PPP1R12B: variants seen among roughly 807,000 people sequenced by gnomAD.
PPP1R12B encodes myosin phosphatase target subunit 2.
PPP1R12B carries 76 observed loss-of-function variants against 126.1 expected under a neutral mutation model. The ratio of observed to expected loss-of-function variants is 0.60; its 90% confidence interval spans 0.50 to 0.73. The LOEUF is 0.73. Ranked by LOEUF, PPP1R12B falls within the 30% of genes least tolerant of loss-of-function variation. The probability of loss-of-function intolerance (pLI) is 0.00; values close to 1 mark genes in which losing one functional copy is unlikely to be tolerated. For missense variants in PPP1R12B, 1,052 were observed against 1,205.1 expected, an observed-to-expected ratio of 0.87 and a Z score of 1.88; for synonymous variants, 356 against 434.7, an observed-to-expected ratio of 0.82 and a Z score of 2.25.
At chr1:202,460,466 T>C (rs1674172570) in intron 13 of PPP1R12B, among the ~76,000 whole-genome samples, 1 of 152,170 alleles carries the variant, frequency 6.6e-6, no homozygotes, top group Non-Finnish European at 1.5e-5. Flanking sequence ...TGAGTTATGG[T>C]TTTTAAAAGT....
At chr1:202,546,561 A>G (rs1430165571) in intron 18 of PPP1R12B, among the ~76,000 whole-genome samples, 2 of 151,978 alleles carry the variant, frequency 1.3e-5, no homozygotes, top group Non-Finnish European at 2.9e-5. Flanking sequence ...CCATGATTGC[A>G]CCACTGCACT....
At chr1:202,414,468 A>T (rs1249296597) in intron 1 of PPP1R12B, among the ~76,000 whole-genome samples, 1 of 152,232 alleles carries the variant, frequency 6.6e-6, no homozygotes, top group Admixed American at 6.5e-5. Context: ...ATCTAAATAC[A>T]TTTCATTATA....
intron 13 of PPP1R12B, among the ~76,000 whole-genome samples, chr1:202,471,153 C>T (rs1308462005): frequency 3.3e-5 from 5 of 152,134 alleles, no homozygotes; most frequent in Admixed American, 2.0e-4. Flanking sequence ...CATTTGCATA[C>T]TTATATAATT....
At chr1:202,405,887 A>G (rs896722472) in intron 1 of PPP1R12B, among the ~76,000 whole-genome samples, 4 of 152,232 alleles carry the variant, frequency 2.6e-5, no homozygotes, top group Non-Finnish European at 5.9e-5. Context: ...TTGACTATAT[A>G]AAACGCTTGA....
At chr1:202,463,060 A>G (rs1674518134) in intron 13 of PPP1R12B, 1 of 985,162 alleles carries the variant, frequency 1.0e-6, no homozygotes, top group Non-Finnish European at 1.2e-6. Context: ...GAGTTGAGAC[A>G]TCAGCAAGTG....
In PPP1R12B at chr1:202,348,940, T is replaced by G. The variant is rs578087903; in HGVS notation, c.89T>G (p.Leu30Arg). ...AEQLRRWRGS[L>R]TEQEPAERRG... is the part of the protein sequence containing the mutation. ...CAGCTTCGGCGCTGGCGGGGCTCGCTGACAGAGCAGGAGCCTGCGGAGCGA... is the reference window on the plus strand; with the variant it reads ...CAGCTTCGGCGCTGGCGGGGCTCGCGGACAGAGCAGGAGCCTGCGGAGCGA... The change falls in exon 1 of 24, where the codon CTG (leucine) becomes CGG (arginine). Residue 30 changes from leucine (L) to arginine (R), a missense_variant. Transcript: ENST00000608999. 6.2e-7 allele frequency: 1 copy of G among 1,603,738 alleles called. No individual in the cohort carries two copies. Among genetic ancestry groups the G allele is most frequent in the South Asian group, 1.1e-5 (1 of 89,576 alleles).
At chr1:202,559,044 T>C in intron 19 of PPP1R12B, 151 bp downstream of exon 19, 1 of 822,764 alleles carries the variant, frequency 1.2e-6, no homozygotes, top group Non-Finnish European at 1.8e-6. Flanking sequence ...TTCAGACTTT[T>C]ATTACCTCCT....
chr1:202,420,347 C>A (rs998346836), intron 2 of PPP1R12B, among the ~76,000 whole-genome samples: 6 of 152,108 alleles, frequency 3.9e-5, no homozygotes, highest in Non-Finnish European at 8.8e-5. Context: ...TTTGTGAGAA[C>A]AGGCAAAGGT....
At chr1:202,573,618 T>C (rs573516062) in intron 23 of PPP1R12B, among the ~76,000 whole-genome samples, 2 of 152,230 alleles carry the variant, frequency 1.3e-5, no homozygotes, top group East Asian at 1.9e-4. Flanking sequence ...GAGTTGATGG[T>C]CTCAGTTTCG....
intron 1 of PPP1R12B, among the ~76,000 whole-genome samples, chr1:202,379,309 C>G (rs1001725118): frequency 6.6e-6 from 1 of 152,222 alleles, no homozygotes; most frequent in Non-Finnish European, 1.5e-5. Context: ...TGAGAATCAC[C>G]TGGGGGCACA....
intron 1 of PPP1R12B, among the ~76,000 whole-genome samples, chr1:202,395,581 T>A (rs1465097267): frequency 6.6e-6 from 1 of 152,222 alleles, no homozygotes; most frequent in African/African-American, 2.4e-5. Context: ...ACGACACAAA[T>A]GTCACCTATA....
intron 18 of PPP1R12B, among the ~76,000 whole-genome samples, chr1:202,525,468 A>G (rs1038559077): frequency 1.1e-4 from 17 of 152,142 alleles, no homozygotes; most frequent in African/African-American, 4.1e-4. Context: ...AAGACTAAGA[A>G]CTGACCATTG....
At chr1:202,497,459 T>C (rs1679700109) in intron 18 of PPP1R12B, among the ~76,000 whole-genome samples, 1 of 152,228 alleles carries the variant, frequency 6.6e-6, no homozygotes, top group South Asian at 2.1e-4. Context: ...TTAATTGAAA[T>C]ACATGTGCTT....
intron 10 of PPP1R12B, 46 bp downstream of exon 10, chr1:202,438,070 T>C: frequency 6.2e-7 from 1 of 1,601,172 alleles, no homozygotes; most frequent in Non-Finnish European, 8.5e-7. Flanking sequence ...AGTTTTTTTT[T>C]TCCATGAAAA....
chr1:202,545,348 G>T (rs1685540324), intron 18 of PPP1R12B, among the ~76,000 whole-genome samples: 1 of 152,176 alleles, frequency 6.6e-6, no homozygotes, highest in South Asian at 2.1e-4. Flanking sequence ...GTAGAGACTG[G>T]CCTAGTTAAC....
In PPP1R12B at chr1:202,488,555, G is replaced by A; in HGVS notation, c.1873G>A (p.Asp625Asn). The A allele has an allele frequency of 6.2e-7, 1 of 1,612,174 alleles. No individual in the cohort carries two copies. Among genetic ancestry groups the A allele is most frequent in the South Asian group, 1.1e-5 (1 of 90,696 alleles). ...CAGGTCCTATCTGACTCCTGTACGGGATGAGGAAGCAGAGTCTTTACGGAA... is the reference window on the plus strand; with the variant it reads ...CAGGTCCTATCTGACTCCTGTACGGAATGAGGAAGCAGAGTCTTTACGGAA... ...KRRSYLTPVR[D>N]EEAESLRKAR... Residue 625 changes from aspartate (D) to asparagine (N), a missense_variant, in exon 14 of 24, where the codon GAT becomes AAT. Asp to Asn is a conservative substitution (Grantham distance 23, BLOSUM62 1). Coordinates refer to ENST00000608999, the MANE Select transcript of PPP1R12B (RefSeq NM_002481.4).
chr1:202,356,714 TA>T (rs1657166272), intron 1 of PPP1R12B, among the ~76,000 whole-genome samples: 1 of 151,838 alleles, frequency 6.6e-6, no homozygotes, highest in South Asian at 2.1e-4. Context: ...AGGTGGACCC[TA>T]GAAGCTGAAA....
At chr1:202,478,241 C>G (rs1379960979) in intron 13 of PPP1R12B, among the ~76,000 whole-genome samples, 1 of 152,242 alleles carries the variant, frequency 6.6e-6, no homozygotes, top group Non-Finnish European at 1.5e-5. Flanking sequence ...AAACTCTGCT[C>G]TGTGATTCCA....
At position 202,430,771 on chromosome 1, in the gene PPP1R12B, C is replaced by T. The variant is rs752961862; in HGVS notation, c.962C>T (p.Ser321Leu). ...EKETRNKLIE[S>L]DLNSKIQSGF... ...GAGACACGGAATAAACTCATTGAGT[C>T]AGATCTGAACAGCAAGATTCAGAGT... is the stretch of plus-strand genomic sequence containing the variant. The change falls in exon 7 of 24, where the codon TCA becomes TTA. Residue 321 changes from serine to leucine, a missense_variant. Transcript: ENST00000608999. 9 of 1,613,278 alleles carry T rather than the reference C, an allele frequency of 5.6e-6. No homozygotes were observed. Among genetic ancestry groups the T allele is most frequent in the East Asian group, 2.2e-5 (1 of 44,844 alleles).
Sources: allele counts gnomAD v4.1 joint callset (sites outside exome capture counted in the v4.1 genomes callset), GRCh38; gene constraint gnomAD v4.1.1; transcripts MANE v1.5; gene names NCBI Gene and HGNC (gene_info 2026-07-23, HGNC 2026-07-21).